Variants in RMDN2 observed in about 807,000 individuals in gnomAD.
RMDN2 encodes regulator of microtubule dynamics protein 2.
Under a neutral mutation model 52.8 loss-of-function variants are expected in RMDN2, and 61 were observed. The observed-to-expected ratio is 1.16, with a 90% CI of 0.94 to 1.43. The LOEUF (loss-of-function observed/expected upper bound fraction) is 1.43, where lower values mean the gene tolerates loss of function less well. Ranked by LOEUF, RMDN2 falls within the 40% of genes most tolerant of loss-of-function variation. The pLI, the probability that RMDN2 is intolerant of heterozygous loss-of-function variation, is 0.00. For synonymous variants in RMDN2, 180 were observed against 153.1 expected (o/e 1.18, Z -1.30); for missense variants, 592 against 475.3 (o/e 1.25, Z -2.28).
chr2:37,932,193 G>C (rs1200297668), intron 2 of RMDN2, among the ~76,000 whole-genome samples: 1 of 149,924 alleles, frequency 6.7e-6, no homozygotes, highest in African/African-American at 2.4e-5. Context: ...GGTTTTCCTA[G>C]GCAGAGGACC....
intron 2 of RMDN2, among the ~76,000 whole-genome samples, chr2:37,968,156 C>G (rs1274429835): frequency 6.6e-6 from 1 of 152,030 alleles, no homozygotes; most frequent in Non-Finnish European, 1.5e-5. Context: ...TGCAATGGGT[C>G]AAGGCCAAGC....
chr2:37,951,309 G>C, intron 2 of RMDN2: 1 of 1,612,676 alleles, frequency 6.2e-7, no homozygotes, highest in African/African-American at 1.3e-5. Flanking sequence ...GCATCGTGGA[G>C]CCTCTTCTAT....
Position 37,944,332 on chromosome 2 carries a change from C to CAA in RMDN2, c.452+14618_452+14619dup, listed in dbSNP as rs55892088. Among the ~76,000 whole-genome samples, 342 of 135,330 alleles carry CAA rather than the reference C, an allele frequency of 2.5e-3. 2 individuals carry two copies. The highest frequency in any genetic ancestry group is 3.9e-3 in the Non-Finnish European group (247 of 62,844). The allele number at this position is 135,330 out of a possible 152,430, so 88.8% of individuals were successfully genotyped here. A position where few individuals can be genotyped will look rare whatever the true frequency, so the allele number is the denominator to read the frequency against. ...CACCATTTAAAAAAACAGCCAATCT[C>CAA]AAAAAAAAAAAAAAAAGAATTTTAG... is the stretch of plus-strand genomic sequence containing the variant. On this transcript the variant is annotated intron_variant, in intron 2 of 10. Transcript: ENST00000354545.
chr2:38,056,347 G>T (rs1431414159), intron 10 of RMDN2, among the ~76,000 whole-genome samples: 2 of 152,104 alleles, frequency 1.3e-5, no homozygotes, highest in East Asian at 3.8e-4. Context: ...GTTCTTAATC[G>T]TTGTTCCCAA....
rs544618892 is a variant in RMDN2, at chr2:37,930,051, T to C, written c.452+322T>C. On this transcript the variant is annotated intron_variant, in intron 2 of 10. Transcript: ENST00000354545. ...CCACTCTGACTCCTTCTGAGAATTC[T>C]CTAGACCACTCCTGTTCAAAAGAAC... Among the ~76,000 whole-genome samples, 4 of 152,354 alleles carry C rather than the reference T, an allele frequency of 2.6e-5. No individual in the cohort carries two copies. The East Asian group carries it at 5.8e-4, about 22-fold the overall frequency.
At chr2:37,939,005 T>G (rs1363483251) in intron 2 of RMDN2, among the ~76,000 whole-genome samples, 3 of 152,246 alleles carry the variant, frequency 2.0e-5, no homozygotes, top group Non-Finnish European at 4.4e-5. Flanking sequence ...CAATTTTAGA[T>G]CTTTCCTGCT....
chr2:37,995,216 G>C (rs894642386), intron 7 of RMDN2, among the ~76,000 whole-genome samples: 2 of 151,964 alleles, frequency 1.3e-5, no homozygotes, highest in Non-Finnish European at 2.9e-5. Context: ...ATGTAGAAAA[G>C]TTATATCAAA....
intron 2 of RMDN2, among the ~76,000 whole-genome samples, chr2:37,933,368 G>C (rs974919103): frequency 2.0e-5 from 3 of 152,190 alleles, no homozygotes; most frequent in Non-Finnish European, 2.9e-5. Context: ...CCCAGACGGG[G>C]TGGCGGCTGG....
intron 2 of RMDN2, among the ~76,000 whole-genome samples, chr2:37,949,702 GC>G (rs1448727834): frequency 6.6e-6 from 1 of 152,136 alleles, no homozygotes; most frequent in Non-Finnish European, 1.5e-5. Context: ...TAGGAAGGGA[GC>G]AAAGGCTAGA....
At chr2:37,979,475 A>G (rs1673016208) in intron 4 of RMDN2, among the ~76,000 whole-genome samples, 1 of 152,230 alleles carries the variant, frequency 6.6e-6, no homozygotes, top group South Asian at 2.1e-4. Context: ...TCTTCTCATA[A>G]TAGCATGTTT....
exon 11 of RMDN2, chr2:38,067,008 C>T: frequency 6.2e-7 from 1 of 1,613,630 alleles, no homozygotes; most frequent in Non-Finnish European, 8.5e-7. Context: ...GATAAAGAGC[C>T]TTTGGTACCG....
chr2:37,991,068 G>C (rs1212976238), intron 6 of RMDN2, 152 bp from the exon 7 acceptor site: 2 of 402,248 alleles, frequency 5.0e-6, no homozygotes, highest in African/African-American at 4.1e-5. Flanking sequence ...TGGTAATTTA[G>C]TTATTGATAA....
chr2:37,987,308 G>T (rs574037400), intron 5 of RMDN2, among the ~76,000 whole-genome samples: 4 of 152,100 alleles, frequency 2.6e-5, no homozygotes, highest in Admixed American at 2.6e-4. Flanking sequence ...TTCAACAGGC[G>T]AATGAATAAA....
intron 10 of RMDN2, among the ~76,000 whole-genome samples, chr2:38,060,724 G>T (rs1375696710): frequency 6.6e-6 from 1 of 152,140 alleles, no homozygotes; most frequent in Non-Finnish European, 1.5e-5. Flanking sequence ...TCTCAAAGCT[G>T]ATATGACCTG....
At chr2:37,932,821 C>G (rs1445301115) in intron 2 of RMDN2, among the ~76,000 whole-genome samples, 2 of 114,522 alleles carry the variant, frequency 1.7e-5, no homozygotes, top group African/African-American at 3.2e-5. Flanking sequence ...GGGGGCTGAC[C>G]CCCCGACCTC....
At chr2:38,021,087 C>T (rs1323603712), downstream of RMDN2, among the ~76,000 whole-genome samples, 3 of 152,172 alleles carry the variant, frequency 2.0e-5, no homozygotes, top group Admixed American at 6.5e-5. Flanking sequence ...CACCCTGTGT[C>T]TAGCTCAGGG....
At chr2:38,053,608 A>G (rs902375875) in intron 10 of RMDN2, among the ~76,000 whole-genome samples, 16 of 152,254 alleles carry the variant, frequency 1.1e-4, no homozygotes, top group African/African-American at 2.7e-4. Context: ...ATTAATTCCA[A>G]TAGTAACTCA....
chr2:38,020,655 G>GCC (rs1436487458), downstream of RMDN2, among the ~76,000 whole-genome samples: 1 of 152,216 alleles, frequency 6.6e-6, no homozygotes, highest in Admixed American at 6.5e-5. Flanking sequence ...TAGCACCCAG[G>GCC]CCAGCGGCTG....
In RMDN2 at chr2:37,929,361, C is replaced by T. The variant is rs1471754142; in HGVS notation, c.84C>T (p.His28=). 8.4e-6 allele frequency: 13 copies of T among 1,551,768 alleles called. No individual in the cohort carries two copies. In the Admixed American group the frequency reaches 2.5e-4, roughly 30 times the overall value. ...TCAGCTTGCTGCTCTTGTGGTACCACAAGGTCCGTAAACCAGGGATAGCAA... is the reference window on the plus strand; with the variant it reads ...TCAGCTTGCTGCTCTTGTGGTACCATAAGGTCCGTAAACCAGGGATAGCAA... ...AGISLLLLWY[H]KVRKPGIAMK... Residue 28 remains histidine (H), a synonymous_variant, in exon 2 of 11, where the codon CAC becomes CAT. Coordinates refer to ENST00000354545, the MANE Select transcript of RMDN2 (RefSeq NM_001170791.3).
Sources: gnomAD v4.1 joint callset for allele counts (sites outside exome capture counted in the v4.1 genomes callset) on GRCh38, gnomAD v4.1.1 for gene constraint, MANE v1.5 for transcripts, NCBI Gene and HGNC (gene_info 2026-07-23, HGNC 2026-07-21) for gene names.